Variants in URB1 observed in about 807,000 individuals in gnomAD.
The protein encoded by URB1 is URB1 ribosome biogenesis factor.
URB1 carries 197 observed loss-of-function variants against 242.3 expected under a neutral mutation model. The observed-to-expected ratio is 0.81, with a 90% CI of 0.72 to 0.91. The LOEUF is 0.91. URB1 is among the 40% of genes least tolerant of loss of function. URB1 has a pLI of 0.00. For synonymous variants in URB1, 1,153 were observed against 1,201.8 expected (o/e 0.96, Z 0.84); for missense variants, 2,721 against 2,860.5 (o/e 0.95, Z 1.11).
At chr21:32,340,899 G>A (rs2033022106) in intron 25 of URB1, among the ~76,000 whole-genome samples, 1 of 151,988 alleles carries the variant, frequency 6.6e-6, no homozygotes, top group African/African-American at 2.4e-5. Context: ...TCAAAAGACC[G>A]AATATTCTAC....
chr21:32,321,193 A>G (rs1198801930), intron 34 of URB1, among the ~76,000 whole-genome samples: 1 of 152,264 alleles, frequency 6.6e-6, no homozygotes, highest in Non-Finnish European at 1.5e-5. Context: ...CACATTTTAC[A>G]TATGAGAAAC....
intron 19 of URB1, 26 bp from the exon 20 acceptor site, chr21:32,350,948 G>T (rs754486566): frequency 6.5e-7 from 1 of 1,534,264 alleles, no homozygotes; most frequent in South Asian, 1.2e-5. Context: ...AAAGGCCGGG[G>T]AAGAGAAAGA....
chr21:32,318,180 C>T (rs2032716727), intron 36 of URB1, among the ~76,000 whole-genome samples: 1 of 152,200 alleles, frequency 6.6e-6, no homozygotes, highest in South Asian at 2.1e-4. Flanking sequence ...CCTGGCTAAA[C>T]AGGGCAGCCA....
At position 32,391,944 on chromosome 21, in the gene URB1, A is replaced by T. The variant is rs140909303; in HGVS notation, c.142+825T>A. Among the ~76,000 whole-genome samples the T allele has an allele frequency of 2.0e-4, 30 of 152,192 alleles. No individual in the cohort carries two copies. In the East Asian group the frequency reaches 4.8e-3, roughly 24 times the overall value. ...GAGGCTGAGGTGGGAGGACAGCTTA[A>T]GCCCAGAAGTTCAAGGCTGCAGTGA... On this transcript the variant is annotated intron_variant, in intron 1 of 38. Coordinates refer to ENST00000382751, the MANE Select transcript of URB1 (RefSeq NM_014825.3).
intron 29 of URB1, 75 bp from the exon 30 acceptor site, chr21:32,333,494 G>C (rs2032919958): frequency 8.8e-7 from 1 of 1,139,164 alleles, no homozygotes; most frequent in Non-Finnish European, 1.3e-6. Context: ...TCTCTTATCT[G>C]AAACACCTGG....
chr21:32,333,470 A>C, intron 29 of URB1, 51 bp from the exon 30 acceptor site: 1 of 1,398,168 alleles, frequency 7.2e-7, no homozygotes, highest in Non-Finnish European at 9.8e-7. Context: ...CACAAAGGTA[A>C]TACAGGTTGA....
At chr21:32,318,854 A>T (rs1045566463) in intron 36 of URB1, among the ~76,000 whole-genome samples, 1 of 152,174 alleles carries the variant, frequency 6.6e-6, no homozygotes, top group Non-Finnish European at 1.5e-5. Context: ...GTCACAGAAA[A>T]TATTTTCTTT....
At chr21:32,341,948 A>G (rs2033035074) in intron 24 of URB1, among the ~76,000 whole-genome samples, 2 of 152,222 alleles carry the variant, frequency 1.3e-5, no homozygotes, top group Non-Finnish European at 2.9e-5. Flanking sequence ...GAGCACTTAG[A>G]GCCATGTAAT....
chr21:32,343,735 T>C (rs1173231770), intron 24 of URB1, among the ~76,000 whole-genome samples: 2 of 152,148 alleles, frequency 1.3e-5, no homozygotes, highest in Non-Finnish European at 2.9e-5. Context: ...AGCCACCCAC[T>C]GGATGGAGAG....
chr21:32,334,951 T>C (rs1315593133), intron 28 of URB1, among the ~76,000 whole-genome samples: 2 of 152,120 alleles, frequency 1.3e-5, no homozygotes, highest in Non-Finnish European at 2.9e-5. Context: ...TCCTTCCTCC[T>C]AGAAAATGAC....
chr21:32,311,894 C>A lies in URB1; in HGVS notation c.*3024G>T. ...TGCCCCTCGGGGGTTTCCAGACCCA[C>A]CCCACTCTCCTCTGGGAACTGACCC... On this transcript the variant is annotated 3_prime_UTR_variant, in exon 39 of 39. Coordinates refer to ENST00000382751, the MANE Select transcript of URB1 (RefSeq NM_014825.3). 1 of 1,614,008 alleles carries A rather than the reference C, an allele frequency of 6.2e-7. No homozygotes were observed. The highest frequency in any genetic ancestry group is 8.5e-7 in the Non-Finnish European group (1 of 1,180,040).
In URB1 at chr21:32,363,869, G is replaced by A. The variant is rs186430551; in HGVS notation, c.1336-540C>T. 2.1e-3 allele frequency among the ~76,000 whole-genome samples: 311 copies of A among 151,568 alleles called. 1 individual carries two copies. The highest frequency in any genetic ancestry group is 3.1e-3 in the Non-Finnish European group (208 of 67,868). ...TGAGACTTAGTATGTTGCCCAGGCC[G>A]GCCTCAACCTTCTGGCCTCAAGCCA... On this transcript the variant is annotated intron_variant, in intron 10 of 38. Coordinates refer to ENST00000382751, the MANE Select transcript of URB1 (RefSeq NM_014825.3).
chr21:32,363,848 A>G (rs1254940094), intron 10 of URB1, among the ~76,000 whole-genome samples: 1 of 151,118 alleles, frequency 6.6e-6, no homozygotes, highest in African/African-American at 2.4e-5. Context: ...AAGAGATGAG[A>G]CTTAGTATGT....
At chr21:32,360,497 C>G (rs1335055393) in intron 13 of URB1, among the ~76,000 whole-genome samples, 3 of 152,166 alleles carry the variant, frequency 2.0e-5, no homozygotes, top group Admixed American at 2.0e-4. Flanking sequence ...TTTTGCAAGT[C>G]TTCTCCCATA....
chr21:32,320,224 T>G, intron 35 of URB1, among the ~76,000 whole-genome samples: 1 of 150,998 alleles, frequency 6.6e-6, no homozygotes, highest in African/African-American at 2.4e-5. Flanking sequence ...CGGGGAGGAG[T>G]CTGACCTGTG....
chr21:32,373,567 G>A, intron 7 of URB1, 80 bp downstream of exon 7: 1 of 1,425,086 alleles, frequency 7.0e-7, no homozygotes, highest in Non-Finnish European at 9.3e-7. Flanking sequence ...GTCTGGTGCG[G>A]TGTTGAGAAT....
intron 19 of URB1, among the ~76,000 whole-genome samples, chr21:32,351,271 C>T (rs899866765): frequency 2.0e-5 from 3 of 152,124 alleles, no homozygotes; most frequent in African/African-American, 4.8e-5. Context: ...GGGAAATCAG[C>T]CCACAGAGAA....
At position 32,354,877 on chromosome 21, in the gene URB1, G is replaced by C. The variant is rs1329606673; in HGVS notation, c.2227C>G (p.Pro743Ala). Residue 743 changes from proline (P) to alanine (A), a missense_variant, in exon 17 of 39, where the codon CCC (proline) becomes GCC (alanine). By Grantham distance (27) the Pro-to-Ala change is conservative. Transcript: ENST00000382751. Reference protein sequence around the residue: ...TKQEADDMSIPISHIDDVLDM... With the variant: ...TKQEADDMSIAISHIDDVLDM... ...AACATACCGTCAATGTGGGAGATGGGAATGCTCATGTCATCGGCTTCTTGC... is the reference window on the plus strand; with the variant it reads ...AACATACCGTCAATGTGGGAGATGGCAATGCTCATGTCATCGGCTTCTTGC... The C allele has an allele frequency of 1.3e-6, 2 of 1,552,354 alleles. No homozygotes were observed. Among genetic ancestry groups the C allele is most frequent in the Admixed American group, 3.9e-5 (2 of 51,002 alleles).
chr21:32,387,864 C>T lies in URB1; in HGVS notation c.143-2180G>A, dbSNP rs138811337. On this transcript the variant is annotated intron_variant, in intron 1 of 38. Coordinates refer to ENST00000382751, the MANE Select transcript of URB1 (RefSeq NM_014825.3). ...GCTGCCATCACCCTAGTCAGCACCT[C>T]TGAACACCAAACACTTCCTTTAACC... 4.6e-5 allele frequency among the ~76,000 whole-genome samples: 7 copies of T among 152,322 alleles called. No individual in the cohort carries two copies. In the East Asian group the frequency reaches 1.4e-3, roughly 29 times the overall value.
Sources: gnomAD v4.1 joint callset for allele counts (sites outside exome capture counted in the v4.1 genomes callset) on GRCh38, gnomAD v4.1.1 for gene constraint, MANE v1.5 for transcripts, NCBI Gene and HGNC (gene_info 2026-07-23, HGNC 2026-07-21) for gene names.